Variants in DISP1 observed in about 807,000 individuals in gnomAD.
DISP1 encodes dispatched RND transporter family member 1.
A neutral mutation model predicts 37.3 loss-of-function variants in DISP1; 30 were observed. The ratio of observed to expected loss-of-function variants is 0.80; its 90% CI spans 0.60 to 1.09. DISP1 has a LOEUF of 1.09. Ranked by LOEUF, DISP1 falls within the 50% of genes least tolerant of loss-of-function variation. The pLI, the probability that DISP1 is intolerant of heterozygous loss-of-function variation, is 0.00. For missense variants in DISP1, 1,598 were observed against 1,879.5 expected (o/e 0.85, Z 2.77); for synonymous variants, 634 against 690.2 (o/e 0.92, Z 1.28).
chr1:222,991,691 G>A lies in DISP1; in HGVS notation c.791+44G>A, dbSNP rs781511938. The A allele has an allele frequency of 1.8e-5, 29 of 1,582,104 alleles. No individual in the cohort carries two copies. In the Middle Eastern group the frequency reaches 6.3e-4, roughly 34 times the overall value. ...TTATATAACTTTTAGACAAAACATTGCTGAATGAATTCCTCTTCAAATACT... is the reference window on the plus strand; with the variant it reads ...TTATATAACTTTTAGACAAAACATTACTGAATGAATTCCTCTTCAAATACT... On this transcript the variant is annotated intron_variant, in intron 6 of 8. Coordinates refer to ENST00000675850, the MANE Select transcript of DISP1 (RefSeq NM_001377229.1).
chr1:222,897,570 T>G (rs1332869690), intron 1 of DISP1, among the ~76,000 whole-genome samples: 2 of 152,180 alleles, frequency 1.3e-5, no homozygotes, highest in Non-Finnish European at 2.9e-5. Context: ...TTAAAAGCCT[T>G]TGTCGGCTAA....
Position 223,003,916 on chromosome 1 carries a change from T to C in DISP1, c.2519T>C (p.Phe840Ser), listed in dbSNP as rs754113301. 3 of 1,614,138 alleles carry C rather than the reference T, an allele frequency of 1.9e-6. No individual in the cohort carries two copies. The highest frequency in any genetic ancestry group is 1.7e-6 in the Non-Finnish European group (2 of 1,180,024). Reference protein sequence around the residue: ...FCQKLRNQTFFYQTDEQDFTS... With the variant: ...FCQKLRNQTFSYQTDEQDFTS... ...CAAAAACTGAGAAACCAAACATTCT[T>C]TTACCAGACTGATGAACAGGACTTC... The change falls in exon 9 of 9, where the codon TTT (phenylalanine) becomes TCT (serine). Residue 840 changes from phenylalanine (F) to serine (S), a missense_variant. Physicochemically the swap from Phe to Ser is radical, Grantham distance 155. Coordinates refer to ENST00000675850, the MANE Select transcript of DISP1 (RefSeq NM_001377229.1). This position sits in a 1 kb window ranked among gnomAD's most constrained non-coding sequence, Gnocchi z 4.3.
chr1:222,954,303 T>C (rs1474762290), intron 3 of DISP1, among the ~76,000 whole-genome samples: 3 of 152,232 alleles, frequency 2.0e-5, no homozygotes, highest in Non-Finnish European at 4.4e-5. Context: ...ATATTCTGTG[T>C]TCTTTTCAGC....
intron 1 of DISP1, among the ~76,000 whole-genome samples, chr1:222,821,419 T>C (rs1369578072): frequency 6.6e-6 from 1 of 152,230 alleles, no homozygotes; most frequent in Non-Finnish European, 1.5e-5. Flanking sequence ...CACTTAGGAA[T>C]GTGATGCGGT....
Position 222,941,463 on chromosome 1 carries a change from T to C in DISP1, c.-17-1344T>C, listed in dbSNP as rs1249932425. Reference sequence around the variant, plus strand: ...TATATATTTTGATGTTTTTAAATGCTTTGTCTTCCCACTAAGCAATTTATT... The same window carrying C: ...TATATATTTTGATGTTTTTAAATGCCTTGTCTTCCCACTAAGCAATTTATT... On this transcript the variant is annotated intron_variant, in intron 2 of 8. Coordinates refer to ENST00000675850, the MANE Select transcript of DISP1 (RefSeq NM_001377229.1). Among the ~76,000 whole-genome samples, 5 of 152,340 alleles carry C rather than the reference T, an allele frequency of 3.3e-5. No individual in the cohort carries two copies. In the East Asian group the frequency reaches 9.6e-4, roughly 29 times the overall value.
At chr1:222,901,237 C>T (rs116290724) in intron 1 of DISP1, among the ~76,000 whole-genome samples, 1,587 of 151,510 alleles carry the variant, frequency 0.01, 23 homozygotes, top group African/African-American at 0.037. Flanking sequence ...AACTTGAGGA[C>T]GAAGGATTTG....
At chr1:222,994,107 A>T (rs968803136) in intron 7 of DISP1, among the ~76,000 whole-genome samples, 24 of 152,152 alleles carry the variant, frequency 1.6e-4, no homozygotes, top group African/African-American at 5.8e-4. Context: ...ATTGTTGGGC[A>T]TCTATTATTA....
In DISP1 at chr1:223,004,352, C is replaced by T. The variant is rs187487928; in HGVS notation, c.2955C>T (p.Leu985=). The T allele has an allele frequency of 4.1e-5, 66 of 1,614,224 alleles. No homozygotes were observed. In the East Asian group the frequency reaches 7.8e-4, roughly 19 times the overall value. Residue 985 remains leucine (L), a synonymous_variant, in exon 9 of 9, where the codon CTC becomes CTT. Coordinates refer to ENST00000675850, the MANE Select transcript of DISP1 (RefSeq NM_001377229.1). This position sits in a 1 kb window ranked among gnomAD's most constrained non-coding sequence, Gnocchi z 4.9. The part of the protein sequence containing the change: ...DLQDSLSDGT[L]IAMGLSVAVA... ...AGGATAGCCTCTCCGATGGCACCCT[C>T]ATTGCCATGGGGCTGTCAGTTGCTG...
At chr1:222,951,184 T>G (rs147631187) in intron 3 of DISP1, among the ~76,000 whole-genome samples, 129 of 152,306 alleles carry the variant, frequency 8.5e-4, no homozygotes, top group African/African-American at 3.0e-3. Flanking sequence ...GCTTAGCCTC[T>G]TAAAGTTAAC....
chr1:222,961,808 C>A (rs1676080798), intron 3 of DISP1, among the ~76,000 whole-genome samples: 1 of 152,090 alleles, frequency 6.6e-6, no homozygotes, highest in Non-Finnish European at 1.5e-5. Context: ...GAGATGGAGA[C>A]CATCCTGGCC....
intron 1 of DISP1, among the ~76,000 whole-genome samples, chr1:222,902,989 G>A (rs1438216650): frequency 1.3e-5 from 2 of 151,890 alleles, no homozygotes; most frequent in African/African-American, 4.9e-5. Flanking sequence ...CTGCTATAAA[G>A]ACACACGCAC....
intron 1 of DISP1, among the ~76,000 whole-genome samples, chr1:222,925,324 C>T (rs1329200211): frequency 6.6e-6 from 1 of 152,108 alleles, no homozygotes; most frequent in East Asian, 1.9e-4. Flanking sequence ...ATCAACAACT[C>T]TAGAACCTTT....
At chr1:222,861,218 C>T (rs1471151649) in intron 1 of DISP1, among the ~76,000 whole-genome samples, 1 of 152,092 alleles carries the variant, frequency 6.6e-6, no homozygotes, top group Non-Finnish European at 1.5e-5. Flanking sequence ...CCTGTAAGTT[C>T]TCTTGTCTAT....
chr1:222,988,089 C>T (rs567975681), intron 4 of DISP1, among the ~76,000 whole-genome samples: 51 of 152,264 alleles, frequency 3.3e-4, no homozygotes, highest in African/African-American at 1.1e-3. Context: ...CCACAATCAG[C>T]TTATTGTCAC....
At chr1:222,868,635 T>C (rs934969281) in intron 1 of DISP1, among the ~76,000 whole-genome samples, 2 of 152,134 alleles carry the variant, frequency 1.3e-5, no homozygotes, top group Non-Finnish European at 2.9e-5. Flanking sequence ...CTTTTTAAAA[T>C]GAACTTACAA....
intron 1 of DISP1, among the ~76,000 whole-genome samples, chr1:222,851,680 AC>A (rs1267078980): frequency 6.6e-6 from 1 of 152,064 alleles, no homozygotes; most frequent in African/African-American, 2.4e-5. Context: ...TGTTTTTAAA[AC>A]TTTTTTTGCA....
At chr1:222,938,544 G>A (rs980422588) in intron 2 of DISP1, among the ~76,000 whole-genome samples, 1 of 150,782 alleles carries the variant, frequency 6.6e-6, no homozygotes, top group Admixed American at 6.6e-5. Context: ...GACCAGACTG[G>A]GCAACATAGG....
In DISP1 at chr1:223,002,337, G is replaced by A. The variant is rs186417092; in HGVS notation, c.988-48G>A. The A allele has an allele frequency of 5.6e-5, 87 of 1,562,984 alleles. No individual in the cohort carries two copies. In the East Asian group the frequency reaches 1.7e-3, roughly 30 times the overall value. ...CAGTCCTTTCCAGTTGTGAACGATT[G>A]TGAACCAATTTAAACTGTAGTCCTT... On this transcript the variant is annotated intron_variant, in intron 8 of 8. Coordinates refer to ENST00000675850, the MANE Select transcript of DISP1 (RefSeq NM_001377229.1).
At chr1:222,872,874 T>A (rs991011504) in intron 1 of DISP1, among the ~76,000 whole-genome samples, 4 of 152,110 alleles carry the variant, frequency 2.6e-5, no homozygotes, top group Non-Finnish European at 5.9e-5. Context: ...TTAGGGTGTC[T>A]ATTTTAGATC....
Sources: gnomAD v4.1 joint callset for allele counts (sites outside exome capture counted in the v4.1 genomes callset) on GRCh38, gnomAD v4.1.1 for gene constraint, Gnocchi (gnomAD v3.1) non-coding constraint, MANE v1.5 for transcripts, NCBI Gene and HGNC (gene_info 2026-07-23, HGNC 2026-07-21) for gene names.